The following PRKG1 variants were observed in gnomAD, a reference collection of about 807,000 sequenced individuals.
PRKG1 encodes the protein cGMP-dependent protein kinase 1.
In PRKG1, 35 loss-of-function variants were observed where a neutral mutation model predicts 88.1. The ratio of observed to expected loss-of-function variants is 0.40; its 90% confidence interval spans 0.30 to 0.53. PRKG1 has a LOEUF of 0.53. Among genes scored for constraint, PRKG1 ranks in the 20% least tolerant of loss-of-function variants. The probability of loss-of-function intolerance (pLI) is 0.59; values close to 1 mark genes in which losing one functional copy is unlikely to be tolerated. For synonymous variants in PRKG1, 303 were observed against 292.5 expected (o/e 1.04, Z -0.37); for missense variants, 540 against 839.8 (o/e 0.64, Z 4.41).
At chr10:51,301,191 G>T (rs1187469861) in intron 2 of PRKG1, among the ~76,000 whole-genome samples, 1 of 152,176 alleles carries the variant, frequency 6.6e-6, no homozygotes, top group Non-Finnish European at 1.5e-5. Context: ...CTAAGTCAAA[G>T]AAATCATTGT....
chr10:51,093,790 A>T (rs1361003264), intron 1 of PRKG1, among the ~76,000 whole-genome samples: 3 of 111,482 alleles, frequency 2.7e-5, no homozygotes, highest in South Asian at 2.7e-4. Flanking sequence ...TATGTATTTT[A>T]TATATATATA....
chr10:51,049,730 C>T (rs1327837861), intron 1 of PRKG1, among the ~76,000 whole-genome samples: 2 of 152,174 alleles, frequency 1.3e-5, no homozygotes, highest in Non-Finnish European at 2.9e-5. Flanking sequence ...CTAGTGACAC[C>T]TTCACAGGGT....
At chr10:52,038,544 C>T (rs913541638) in intron 5 of PRKG1, among the ~76,000 whole-genome samples, 10 of 151,994 alleles carry the variant, frequency 6.6e-5, no homozygotes, top group South Asian at 6.3e-4. Flanking sequence ...CGGGACTTGC[C>T]GCTAAGAGTG....
chr10:51,602,732 ATGTGTGTGTGTGTGTGTG>A (rs4041278), intron 3 of PRKG1, among the ~76,000 whole-genome samples: 25 of 128,920 alleles, frequency 1.9e-4, no homozygotes, highest in Admixed American at 1.5e-4. Context: ...ATTAATATAT[ATGTGTGTGTGTGTGTGTG>A]TGTGTGTGTG....
intron 2 of PRKG1, among the ~76,000 whole-genome samples, chr10:51,372,095 C>T (rs1842717908): frequency 6.6e-6 from 1 of 152,126 alleles, no homozygotes; most frequent in South Asian, 2.1e-4. Context: ...GATAACTCAG[C>T]ATGTGTTTCA....
intron 5 of PRKG1, among the ~76,000 whole-genome samples, chr10:51,945,848 T>C (rs1317063703): frequency 1.3e-5 from 2 of 151,820 alleles, no homozygotes; most frequent in Admixed American, 1.3e-4. Flanking sequence ...TGGGCTTCTC[T>C]TTGTGGGTAA....
chr10:51,149,989 G>A (rs758147119), intron 1 of PRKG1, among the ~76,000 whole-genome samples: 4 of 151,974 alleles, frequency 2.6e-5, no homozygotes, highest in Non-Finnish European at 5.9e-5. Context: ...GAGTCAAGTC[G>A]CTTTTATGGG....
At chr10:51,741,887 C>A (rs1277384170) in intron 3 of PRKG1, among the ~76,000 whole-genome samples, 1 of 152,184 alleles carries the variant, frequency 6.6e-6, no homozygotes, top group Non-Finnish European at 1.5e-5. Flanking sequence ...AGTGGCAGAT[C>A]ACCAACTGGA....
intron 2 of PRKG1, among the ~76,000 whole-genome samples, chr10:51,164,663 G>GA (rs1478039102): frequency 6.6e-5 from 10 of 152,056 alleles, no homozygotes; most frequent in Non-Finnish European, 1.5e-4. Context: ...AAATTTAGAC[G>GA]AATGTATAAC....
chr10:51,210,702 C>A (rs977779742), intron 2 of PRKG1, among the ~76,000 whole-genome samples: 16 of 152,272 alleles, frequency 1.1e-4, no homozygotes, highest in African/African-American at 3.8e-4. Flanking sequence ...CGCAAATAAA[C>A]TAGAAAATCT....
intron 4 of PRKG1, among the ~76,000 whole-genome samples, chr10:51,902,042 C>T (rs933387642): frequency 6.6e-6 from 1 of 151,994 alleles, no homozygotes; most frequent in Non-Finnish European, 1.5e-5. Context: ...GAATATGAGT[C>T]TTCTAATCAC....
Position 52,217,575 on chromosome 10 carries a change from A to G in PRKG1, c.1077-33995A>G, listed in dbSNP as rs576948550. On this transcript the variant is annotated intron_variant, in intron 9 of 17. Transcript: ENST00000373980. ...AATTATTCAATATGGAATAATAGAAACTACAAGCAAGCATTAACCCAGGTT... is the reference window on the plus strand; with the variant it reads ...AATTATTCAATATGGAATAATAGAAGCTACAAGCAAGCATTAACCCAGGTT... Among the ~76,000 whole-genome samples, 10 of 152,318 alleles carry G rather than the reference A, an allele frequency of 6.6e-5. No homozygotes were observed. In the South Asian group the frequency reaches 1.9e-3, roughly 28 times the overall value.
intron 2 of PRKG1, among the ~76,000 whole-genome samples, chr10:51,339,202 C>T (rs148497124): frequency 3.9e-4 from 60 of 152,232 alleles, no homozygotes; most frequent in African/African-American, 1.4e-3. Flanking sequence ...TCTTACTTTA[C>T]TTAAAGGCTC....
chr10:51,771,975 C>T (rs547245015), intron 3 of PRKG1, among the ~76,000 whole-genome samples: 1 of 152,022 alleles, frequency 6.6e-6, no homozygotes, highest in African/African-American at 2.4e-5. Flanking sequence ...GAATTGATTA[C>T]ATTGTTATGG....
At chr10:51,891,203 A>G (rs7082269) in intron 4 of PRKG1, among the ~76,000 whole-genome samples, 114,245 of 152,048 alleles carry the variant, frequency 0.75, 43,442 homozygotes, top group African/African-American at 0.87. Context: ...GTTTGAGGCT[A>G]CAGTGAACTA....
chr10:51,926,838 C>T (rs1021355258), intron 5 of PRKG1, among the ~76,000 whole-genome samples: 1 of 137,582 alleles, frequency 7.3e-6, no homozygotes, highest in Non-Finnish European at 1.5e-5. Context: ...ACCTCACGAT[C>T]AGCAATTCTG....
chr10:51,471,152 TTGTTCATGGCTTAATAGCCTCAAA>T (rs1346580383), intron 3 of PRKG1, among the ~76,000 whole-genome samples: 1 of 124,316 alleles, frequency 8.0e-6, no homozygotes, highest in Non-Finnish European at 1.8e-5. Flanking sequence ...AGTCTTGAGT[TTGTTCATGGCTTAATAGCCTCAAA>T]TTTTCTTTAT....
intron 2 of PRKG1, among the ~76,000 whole-genome samples, chr10:51,219,146 A>C (rs1241847502): frequency 1.3e-5 from 2 of 152,216 alleles, no homozygotes; most frequent in African/African-American, 4.8e-5. Flanking sequence ...TTTACCTATG[A>C]ATACAGATTA....
intron 5 of PRKG1, among the ~76,000 whole-genome samples, chr10:52,000,150 T>C (rs971259623): frequency 1.3e-5 from 2 of 152,072 alleles, no homozygotes; most frequent in East Asian, 1.9e-4. Context: ...TTATGGGAGA[T>C]AATAAAAAAG....
Sources: allele counts gnomAD v4.1 joint callset (sites outside exome capture counted in the v4.1 genomes callset), GRCh38; gene constraint gnomAD v4.1.1; transcripts MANE v1.5; gene names NCBI Gene and HGNC (gene_info 2026-07-23, HGNC 2026-07-21).